The following FBXL2 variants were observed in gnomAD, a reference collection of about 807,000 sequenced individuals.
FBXL2 encodes the protein F-box and leucine rich repeat protein 2.
FBXL2 carries 38 observed loss-of-function variants against 69.2 expected under a neutral mutation model. The observed-to-expected ratio is 0.55, with a 90% CI of 0.42 to 0.72. The LOEUF (loss-of-function observed/expected upper bound fraction) is 0.72. FBXL2 is among the 30% of genes least tolerant of loss of function. FBXL2 has a pLI of 0.00. For missense variants in FBXL2, 354 were observed against 520.3 expected, an observed-to-expected ratio of 0.68 and a Z score of 3.11; for synonymous variants, 192 against 201.3, an observed-to-expected ratio of 0.95 and a Z score of 0.39.
At chr3:33,383,099 C>T (rs1188245147) in intron 13 of FBXL2, 1 of 152,232 alleles carries the variant, frequency 6.6e-6, no homozygotes, top group Admixed American at 6.5e-5. Flanking sequence ...AGCACCTCAG[C>T]TTCAGTTTAA....
At chr3:33,401,374 GATAA>G (rs1461246301) in intron 12 of FBXL2, among the ~76,000 whole-genome samples, 1 of 152,098 alleles carries the variant, frequency 6.6e-6, no homozygotes, top group Non-Finnish European at 1.5e-5. Flanking sequence ...CATCAAATTA[GATAA>G]ATAGTTGAAA....
chr3:33,287,906 G>T (rs2034815577), intron 1 of FBXL2, among the ~76,000 whole-genome samples: 1 of 152,152 alleles, frequency 6.6e-6, no homozygotes, highest in African/African-American at 2.4e-5. Context: ...ACAAGCTGTT[G>T]TCATGTTGTC....
At chr3:33,309,275 A>G (rs548064650) in intron 2 of FBXL2, among the ~76,000 whole-genome samples, 75 of 152,194 alleles carry the variant, frequency 4.9e-4, no homozygotes, top group African/African-American at 1.6e-3. Context: ...ATTTGCTTTT[A>G]TATATTTAGG....
At chr3:33,393,246 G>A in intron 12 of FBXL2, 4 of 1,467,714 alleles carry the variant, frequency 2.7e-6, no homozygotes, top group Admixed American at 2.3e-5. Flanking sequence ...TTTTTCTACA[G>A]TTCTACAATT....
chr3:33,283,955 C>CT (rs1385745012), intron 1 of FBXL2, among the ~76,000 whole-genome samples: 6 of 152,092 alleles, frequency 3.9e-5, no homozygotes, highest in Non-Finnish European at 7.3e-5. Context: ...CTTTATTAGT[C>CT]TTGCTAGCAG....
intron 12 of FBXL2, among the ~76,000 whole-genome samples, chr3:33,399,264 T>C (rs1021385899): frequency 6.6e-6 from 1 of 152,208 alleles, no homozygotes; most frequent in Non-Finnish European, 1.5e-5. Flanking sequence ...GAGCCAAATA[T>C]ATTTGGGAAA....
At chr3:33,367,467 A>G (rs1468503666) in intron 5 of FBXL2, among the ~76,000 whole-genome samples, 1 of 152,178 alleles carries the variant, frequency 6.6e-6, no homozygotes, top group Non-Finnish European at 1.5e-5. Context: ...GGAATTTGTC[A>G]ATTTCACCTA....
At chr3:33,310,762 T>TA (rs1387905448) in intron 2 of FBXL2, among the ~76,000 whole-genome samples, 3 of 151,762 alleles carry the variant, frequency 2.0e-5, no homozygotes, top group South Asian at 2.1e-4. Context: ...AGGGTTTTTT[T>TA]AAAAAAAATT....
At chr3:33,402,782 G>T in intron 12 of FBXL2, 2 of 1,507,534 alleles carry the variant, frequency 1.3e-6, no homozygotes, top group South Asian at 1.3e-5. Context: ...GCAGGCACAC[G>T]ATCACACAAA....
intron 2 of FBXL2, among the ~76,000 whole-genome samples, chr3:33,319,220 C>T (rs565569265): frequency 6.6e-6 from 1 of 151,774 alleles, no homozygotes; most frequent in Non-Finnish European, 1.5e-5. Flanking sequence ...TGTGGGAGTG[C>T]CCATGGCAAG....
At chr3:33,309,285 G>A (rs1452512996) in intron 2 of FBXL2, among the ~76,000 whole-genome samples, 1 of 152,052 alleles carries the variant, frequency 6.6e-6, no homozygotes, top group South Asian at 2.1e-4. Context: ...ATATATTTAG[G>A]TGCTCTGATG....
At chr3:33,409,231 A>G in the FBXL2 span, 1 of 1,613,478 alleles carries the variant, frequency 6.2e-7, no homozygotes, top group Non-Finnish European at 8.5e-7. Flanking sequence ...GCTTTACTAC[A>G]TTACCTCTGT....
intron 1 of FBXL2, among the ~76,000 whole-genome samples, chr3:33,293,022 TTC>T (rs1434467350): frequency 5.9e-5 from 9 of 152,326 alleles, no homozygotes; most frequent in African/African-American, 1.9e-4. Context: ...GAATTTTTTC[TTC>T]TTTTTTCTAT....
In FBXL2 at chr3:33,402,836, G is replaced by A. The variant is rs759541009; in HGVS notation, n.1215-398G>A. The A allele has an allele frequency of 3.1e-6, 5 of 1,607,152 alleles. No individual in the cohort carries two copies. In the Admixed American group the frequency reaches 6.8e-5, roughly 22 times the overall value. ...CACTGCAAGTGCTCTGCTGTGGGGA[G>A]GTGAAAGTGGGCGCTGGGGAAGGGC... On this transcript the variant is annotated intron_variant and non_coding_transcript_variant, in intron 12 of 12. Coordinates refer to the FBXL2 transcript ENST00000463736.
chr3:33,371,880 C>T (rs546293999), intron 5 of FBXL2, among the ~76,000 whole-genome samples: 1 of 152,248 alleles, frequency 6.6e-6, no homozygotes, highest in South Asian at 2.1e-4. Flanking sequence ...ATGCGCCACT[C>T]CTAAAGGAAG....
chr3:33,383,714 C>T (rs2043213200), intron 13 of FBXL2: 1 of 408,450 alleles, frequency 2.4e-6, no homozygotes, highest in Non-Finnish European at 4.6e-6. Context: ...AAACCCATAA[C>T]CAAAGGGCCC....
intron 2 of FBXL2, among the ~76,000 whole-genome samples, chr3:33,303,479 T>C (rs1384201448): frequency 6.6e-6 from 1 of 152,144 alleles, no homozygotes; most frequent in African/African-American, 2.4e-5. Context: ...GAGGATGACT[T>C]TGGATTTTAT....
intron 2 of FBXL2, among the ~76,000 whole-genome samples, chr3:33,336,100 A>T (rs1386959996): frequency 3.9e-5 from 6 of 152,212 alleles, no homozygotes; most frequent in Admixed American, 3.9e-4. Flanking sequence ...ACTGTTTCTA[A>T]ATGTTATATG....
chr3:33,357,678 C>T (rs1336513397), intron 2 of FBXL2, among the ~76,000 whole-genome samples: 2 of 151,874 alleles, frequency 1.3e-5, no homozygotes, highest in African/African-American at 2.4e-5. Context: ...TACAGGTGCC[C>T]GCCACCTCGC....
Sources: gnomAD v4.1 joint callset for allele counts (sites outside exome capture counted in the v4.1 genomes callset) on GRCh38, gnomAD v4.1.1 for gene constraint, MANE v1.5 for transcripts, NCBI Gene and HGNC (gene_info 2026-07-23, HGNC 2026-07-21) for gene names.